The following KCNC4 variants were observed in gnomAD, a reference collection of about 807,000 sequenced individuals.
KCNC4 encodes the protein voltage-gated potassium channel KCNC4.
Under a neutral mutation model 42.8 loss-of-function variants are expected in KCNC4, and 23 were observed. The ratio of observed to expected loss-of-function variants is 0.54; its 90% confidence interval spans 0.39 to 0.76. KCNC4 has a LOEUF of 0.76. Among genes scored for constraint, KCNC4 ranks in the 30% least tolerant of loss-of-function variants. The probability of loss-of-function intolerance (pLI) is 0.00; values close to 1 mark genes in which losing one functional copy is unlikely to be tolerated. For missense variants in KCNC4, 751 were observed against 898.2 expected (o/e 0.84, Z 2.10); for synonymous variants, 422 against 393.5 (o/e 1.07, Z -0.86).
chr1:110,278,004 G>C (rs1030843677), intron 1 of KCNC4, among the ~76,000 whole-genome samples: 4 of 152,122 alleles, frequency 2.6e-5, no homozygotes, highest in Non-Finnish European at 5.9e-5. Flanking sequence ...AAAAATAGCC[G>C]GGTGTAGTGG....
In KCNC4 at chr1:110,211,782, T is replaced by C; in HGVS notation, c.283T>C (p.Phe95Leu). ...GSSGGGGCEF[F>L]FDRHPGVFAY... ...CAGCGGCGGCGGGGGCTGCGAGTTC[T>C]TCTTCGACAGGCACCCGGGCGTCTT... The change falls in exon 1 of 4, where the codon TTC (phenylalanine) becomes CTC (leucine). Residue 95 changes from phenylalanine (F) to leucine (L), a missense_variant. Phe to Leu is a conservative substitution (Grantham distance 22). Around this residue, in one of 4 missense-constraint regions of KCNC4, gnomAD observed 183 missense variants for 255.8 expected, o/e 0.72. Coordinates refer to ENST00000438661, the MANE Select transcript of KCNC4 (RefSeq NM_001039574.3). This position sits in a 1 kb window ranked among gnomAD's most constrained non-coding sequence, Gnocchi z 6.5. 6.2e-7 allele frequency: 1 copy of C among 1,611,080 alleles called. No individual in the cohort carries two copies. Among genetic ancestry groups the C allele is most frequent in the Non-Finnish European group, 8.5e-7 (1 of 1,179,664 alleles).
Position 110,211,396 on chromosome 1 carries a change from GC to G in KCNC4, c.-102del. ...GCAGAGGGGGCCGCCACCGCCTCCT[GC>G]CTCCTCTTCGTCTCCTCCCCCTCCC... On this transcript the variant is annotated 5_prime_UTR_variant, in exon 1 of 4. Coordinates refer to ENST00000438661, the MANE Select transcript of KCNC4 (RefSeq NM_001039574.3). The surrounding 1 kb of genome is among the most constrained non-coding windows in gnomAD (Gnocchi z 6.5). 6.8e-7 allele frequency: 1 copy of G among 1,463,086 alleles called. No individual in the cohort carries two copies. Among genetic ancestry groups the G allele is most frequent in the Non-Finnish European group, 9.1e-7 (1 of 1,097,722 alleles). The allele number at this position is 1,463,086 out of a possible 1,614,324, so 90.6% of individuals were successfully genotyped here.
At position 110,212,273 on chromosome 1, in the gene KCNC4, ACTTAC is replaced by A. The variant is rs1333599240; in HGVS notation, c.678+103_678+107del. Reference sequence around the variant, plus strand: ...CCGGGAGGAGCAGGGACCGAGCCTGACTTACCTTACCACCGCAGATTGTTCCCGCC... The same window carrying A: ...CCGGGAGGAGCAGGGACCGAGCCTGACTTACCACCGCAGATTGTTCCCGCC... On this transcript the variant is annotated intron_variant, in intron 1 of 3. Coordinates refer to ENST00000438661, the MANE Select transcript of KCNC4 (RefSeq NM_001039574.3). The A allele has an allele frequency of 6.4e-6, 8 of 1,256,700 alleles. No individual in the cohort carries two copies. In the African/African-American group the frequency reaches 1.3e-4, roughly 20 times the overall value. The allele number at this position is 1,256,700 out of a possible 1,614,324, so 77.8% of individuals were successfully genotyped here. A position where few individuals can be genotyped will look rare whatever the true frequency, so the allele number is the denominator to read the frequency against.
intron 1 of KCNC4, chr1:110,256,689 G>A (rs1174664519): frequency 6.5e-6 from 1 of 153,010 alleles, no homozygotes; most frequent in East Asian, 1.9e-4. Context: ...AGTGGTTGTA[G>A]TGGAAGAAAG....
chr1:110,247,101 T>G lies in KCNC4; in HGVS notation c.*14792T>G, dbSNP rs150978550. On this transcript the variant is annotated 3_prime_UTR_variant, in exon 4 of 4. Coordinates refer to the KCNC4 transcript ENST00000369787. Reference sequence around the variant, plus strand: ...TAATTTCATTCTTTTTATGGCTGAATAGTATTCCACGTGTATGTGTATCAC... The same window carrying G: ...TAATTTCATTCTTTTTATGGCTGAAGAGTATTCCACGTGTATGTGTATCAC... 4.9e-3 allele frequency: 740 copies of G among 152,338 alleles called. 4 individuals carry two copies. The highest frequency in any genetic ancestry group is 7.6e-3 in the Non-Finnish European group (514 of 68,028). 9.4% of individuals were successfully genotyped at this position (152,338 alleles called of 1,614,324 possible). A position where few individuals can be genotyped will look rare whatever the true frequency, so the allele number is the denominator to read the frequency against.
At chr1:110,281,589 C>CACAT (rs3062077) in intron 1 of KCNC4, among the ~76,000 whole-genome samples, 1 of 151,672 alleles carries the variant, frequency 6.6e-6, no homozygotes, top group Non-Finnish European at 1.5e-5. Context: ...CACACACACA[C>CACAT]ATACTGCACT....
At chr1:110,222,771 T>C in intron 1 of KCNC4, 193 bp from the exon 2 acceptor site, 2 of 573,212 alleles carry the variant, frequency 3.5e-6, no homozygotes, top group East Asian at 2.8e-5. Flanking sequence ...TTGGGAAACA[T>C]TGCCCGAGAG....
chr1:110,218,477 C>G (rs76577427), intron 1 of KCNC4, among the ~76,000 whole-genome samples: 10,398 of 152,202 alleles, frequency 0.068, 485 homozygotes, highest in Non-Finnish European at 0.11. Flanking sequence ...TATCCTCCCA[C>G]CCGTTATCTC....
intron 1 of KCNC4, 110 bp downstream of exon 1, chr1:110,212,287 C>T: frequency 8.5e-7 from 1 of 1,171,870 alleles, no homozygotes; most frequent in Non-Finnish European, 1.1e-6. Flanking sequence ...ACCTTACCAC[C>T]GCAGATTGTT....
intron 3 of KCNC4, chr1:110,232,373 A>G: frequency 6.4e-7 from 1 of 1,573,358 alleles, no homozygotes; most frequent in Non-Finnish European, 8.6e-7. Context: ...TCCTTGGGAC[A>G]ATGGAATATC....
chr1:110,212,692 G>A (rs1339245099), intron 1 of KCNC4, among the ~76,000 whole-genome samples: 1 of 152,218 alleles, frequency 6.6e-6, no homozygotes. Flanking sequence ...GCACTTCAGA[G>A]AGGAGGATAT....
intron 1 of KCNC4, among the ~76,000 whole-genome samples, chr1:110,267,128 G>A (rs996039958): frequency 2.0e-5 from 3 of 152,192 alleles, no homozygotes; most frequent in Admixed American, 6.5e-5. Context: ...AGCAGTCTGT[G>A]TAGGGTGGGC....
At position 110,275,562 on chromosome 1, in the gene KCNC4, A is replaced by G. The variant is rs2101089747; in HGVS notation, n.31-6972A>G. Among the ~76,000 whole-genome samples, 3 of 152,324 alleles carry G rather than the reference A, an allele frequency of 2.0e-5. No individual in the cohort carries two copies. In the East Asian group the frequency reaches 5.8e-4, roughly 29 times the overall value. On this transcript the variant is annotated intron_variant and non_coding_transcript_variant, in intron 1 of 2. Transcript: ENST00000412512. Reference sequence around the variant, plus strand: ...ATATAAAAAAGATACTTGCATTTGTATGTTTATCACAATAGCAAAAATAGG... The same window carrying G: ...ATATAAAAAAGATACTTGCATTTGTGTGTTTATCACAATAGCAAAAATAGG...
intron 1 of KCNC4, 29 bp downstream of exon 1, chr1:110,212,206 T>G: frequency 7.0e-7 from 1 of 1,436,558 alleles, no homozygotes; most frequent in Non-Finnish European, 9.0e-7. Flanking sequence ...TGTCTCCCCA[T>G]CTTGGGTCTG....
At chr1:110,281,385 A>C (rs1464925151) in intron 1 of KCNC4, among the ~76,000 whole-genome samples, 1 of 152,000 alleles carries the variant, frequency 6.6e-6, no homozygotes, top group African/African-American at 2.4e-5. Context: ...GAAATCTGAA[A>C]TCTTACTACC....
chr1:110,229,186 C>T (rs1321358475), intron 3 of KCNC4: 1 of 152,302 alleles, frequency 6.6e-6, no homozygotes, highest in Admixed American at 6.5e-5. Flanking sequence ...ACACCCAGAC[C>T]AGCAAGGAAC....
In KCNC4 at chr1:110,265,402, TA is replaced by T. The variant is rs763212033; in HGVS notation, n.31-17128del. ...TAAAATAAAATAAAATAAAATAAAA[TA>T]AAATAAAATAAAATAAAATATTCCC... On this transcript the variant is annotated intron_variant and non_coding_transcript_variant, in intron 1 of 2. Transcript: ENST00000412512. Among the ~76,000 whole-genome samples the T allele has an allele frequency of 2.7e-5, 3 of 110,528 alleles. No individual in the cohort carries two copies. In the East Asian group the frequency reaches 8.3e-4, roughly 31 times the overall value. 72.5% of individuals were successfully genotyped at this position (110,528 alleles called of 152,430 possible).
chr1:110,258,778 C>T (rs1401378139), intron 1 of KCNC4, among the ~76,000 whole-genome samples: 2 of 152,064 alleles, frequency 1.3e-5, no homozygotes, highest in Non-Finnish European at 1.5e-5. Context: ...ACCATATCAC[C>T]CTATGAGGAG....
downstream of KCNC4, chr1:110,236,872 T>C (rs1658919102): frequency 6.6e-6 from 1 of 152,100 alleles, no homozygotes; most frequent in Non-Finnish European, 1.5e-5. Flanking sequence ...GATCCGGAAA[T>C]AATAGGTGGA....
Sources: gnomAD v4.1 joint callset for allele counts (sites outside exome capture counted in the v4.1 genomes callset) on GRCh38, gnomAD v4.1.1 for gene constraint, gnomAD v4.1.1 regional missense constraint, Gnocchi (gnomAD v3.1) non-coding constraint, MANE v1.5 for transcripts, NCBI Gene and HGNC (gene_info 2026-07-23, HGNC 2026-07-21) for gene names.